BTN2A1: variants seen among roughly 807,000 people sequenced by gnomAD.
BTN2A1 encodes butyrophilin, subfamily 2, member A1.
In BTN2A1, 41 loss-of-function variants were observed where a neutral mutation model predicts 34.5. The ratio of observed to expected loss-of-function variants is 1.19; its 90% CI spans 0.93 to 1.54. BTN2A1 has a LOEUF of 1.54. Among genes scored for constraint, BTN2A1 ranks in the 40% most tolerant of loss-of-function variants. The probability of loss-of-function intolerance (pLI) is 0.00; values close to 1 mark genes in which losing one functional copy is unlikely to be tolerated. For missense variants in BTN2A1, 642 were observed against 662.0 expected (o/e 0.97, Z 0.33); for synonymous variants, 267 against 258.6 (o/e 1.03, Z -0.31).
chr6:26,459,962 G>C, intron 3 of BTN2A1, 134 bp downstream of exon 3: 1 of 868,224 alleles, frequency 1.2e-6, no homozygotes, highest in Non-Finnish European at 1.7e-6. Flanking sequence ...TGTGGAAACG[G>C]AATTCCAGGG....
chr6:26,459,919 A>G (rs976028518), intron 3 of BTN2A1, 91 bp downstream of exon 3: 5 of 636,194 alleles, frequency 7.9e-6, no homozygotes, highest in East Asian at 4.3e-5. Context: ...CAGACCAGCA[A>G]ATTTTTGTCT....
downstream of BTN2A1, among the ~76,000 whole-genome samples, chr6:26,470,380 A>ACCCCC (rs11394562): frequency 1.4e-5 from 2 of 141,816 alleles, no homozygotes; most frequent in African/African-American, 5.3e-5. Context: ...TATGTCAGAG[A>ACCCCC]CCCCCCCCAC....
intron 3 of BTN2A1, 141 bp from the exon 4 acceptor site, chr6:26,463,103 T>C: frequency 9.1e-7 from 1 of 1,098,714 alleles, no homozygotes; most frequent in Non-Finnish European, 1.3e-6. Flanking sequence ...ACCCTCATCC[T>C]TTTTTTCTTC....
At chr6:26,466,159 G>A (rs921245431) in intron 7 of BTN2A1, 71 bp downstream of exon 7, 7 of 1,611,400 alleles carry the variant, frequency 4.3e-6, no homozygotes, top group Middle Eastern at 2.1e-4. Context: ...CTCCTTAGAG[G>A]AGATGAGCAA....
In BTN2A1 at chr6:26,468,470, C is replaced by G. The variant is rs767634032; in HGVS notation, c.1505C>G (p.Ala502Gly). 5 of 1,614,190 alleles carry G rather than the reference C, an allele frequency of 3.1e-6. No individual in the cohort carries two copies. The highest frequency in any genetic ancestry group is 3.4e-6 in the Non-Finnish European group (4 of 1,180,038). The change falls in exon 8 of 8, where the codon GCA (alanine) becomes GGA (glycine). Residue 502 changes from alanine to glycine, a missense_variant. Ala to Gly is a moderately conservative substitution (Grantham distance 60). Transcript: ENST00000312541. ...CEDSPIFICP[A>G]LTGANGVTVP... ...GACAGCCCCATCTTCATCTGCCCTG[C>G]ACTCACAGGAGCCAATGGGGTCACG...
chr6:26,460,934 A>G (rs1763148546), intron 3 of BTN2A1, among the ~76,000 whole-genome samples: 1 of 152,074 alleles, frequency 6.6e-6, no homozygotes, highest in Admixed American at 6.5e-5. Flanking sequence ...AACAAAAAAG[A>G]TATATTTGAG....
At chr6:26,459,016 C>G (rs6912934) in intron 2 of BTN2A1, among the ~76,000 whole-genome samples, 2 of 152,148 alleles carry the variant, frequency 1.3e-5, no homozygotes, top group African/African-American at 4.8e-5. Flanking sequence ...TAATCAAATA[C>G]GAATATTTAA....
At position 26,468,828 on chromosome 6, in the gene BTN2A1, A is replaced by G; in HGVS notation, c.*279A>G. On this transcript the variant is annotated 3_prime_UTR_variant, in exon 8 of 8. Coordinates refer to ENST00000312541, the MANE Select transcript of BTN2A1 (RefSeq NM_007049.5). The stretch of plus-strand genomic sequence containing the variant: ...TCCCAGCCAAGAAGAAAGTGTGAGA[A>G]GTTGATGGGCAGCAAACCTGCTGTT... The G allele has an allele frequency of 1.3e-6, 2 of 1,544,852 alleles. No homozygotes were observed. The highest frequency in any genetic ancestry group is 1.8e-6 in the Non-Finnish European group (2 of 1,140,242).
At chr6:26,470,326 GAA>G (rs1178199770), downstream of BTN2A1, among the ~76,000 whole-genome samples, 4 of 152,128 alleles carry the variant, frequency 2.6e-5, no homozygotes, top group Non-Finnish European at 5.9e-5. Flanking sequence ...CAGCCTGGGT[GAA>G]AGAGTGAAAC....
intron 7 of BTN2A1, chr6:26,467,617 T>G: frequency 7.8e-7 from 1 of 1,282,684 alleles, no homozygotes; most frequent in Non-Finnish European, 1.1e-6. Context: ...TGGCCAGAGA[T>G]CATATGTCTT....
Position 26,468,900 on chromosome 6 carries a change from G to A in BTN2A1, c.*351G>A, listed in dbSNP as rs1307122742. 5 of 1,332,910 alleles carry A rather than the reference G, an allele frequency of 3.8e-6. No individual in the cohort carries two copies. Among genetic ancestry groups the A allele is most frequent in the Non-Finnish European group, 4.9e-6 (5 of 1,021,746 alleles). The allele number at this position is 1,332,910 out of a possible 1,614,324, so 82.6% of individuals were successfully genotyped here. A position where few individuals can be genotyped will look rare whatever the true frequency, so the allele number is the denominator to read the frequency against. ...AAGCCCAGTATTCCAGTTGGCACCA[G>A]AAGATATGGACTTGGAATGAGGCCT... is the stretch of plus-strand genomic sequence containing the variant. On this transcript the variant is annotated 3_prime_UTR_variant, in exon 8 of 8. Coordinates refer to ENST00000312541, the MANE Select transcript of BTN2A1 (RefSeq NM_007049.5).
intron 3 of BTN2A1, 127 bp from the exon 4 acceptor site, chr6:26,463,117 C>A: frequency 8.3e-7 from 1 of 1,203,014 alleles, no homozygotes; most frequent in Non-Finnish European, 1.2e-6. Context: ...TTTCTTCCTT[C>A]CTATTTCTTG....
In BTN2A1 at chr6:26,465,206, C is replaced by T; in HGVS notation, c.734C>T (p.Ser245Phe). ...TCAGAATCCTTTATGCCCAGTGTGT[C>T]TCCCTGTGCAGTGGCCCTGCCTATC... is the stretch of plus-strand genomic sequence containing the variant. ...FIPESFMPSV[S>F]PCAVALPIIV... The change falls in exon 5 of 8, where the codon TCT becomes TTT. Residue 245 changes from serine to phenylalanine, a missense_variant. Transcript: ENST00000312541. 1 of 1,614,076 alleles carries T rather than the reference C, an allele frequency of 6.2e-7. No individual in the cohort carries two copies. The highest frequency in any genetic ancestry group is 1.1e-5 in the South Asian group (1 of 91,070).
In BTN2A1 at chr6:26,459,488, T is replaced by C. The variant is rs1356241146; in HGVS notation, c.90T>C (p.Phe30=). ...LSLCALVSAQ[F]IVVGPTDPIL... ...TACCCCTTTGTTGAACAGCCCAGTTTATTGTCGTGGGGCCCACTGATCCCA... is the reference window on the plus strand; with the variant it reads ...TACCCCTTTGTTGAACAGCCCAGTTCATTGTCGTGGGGCCCACTGATCCCA... Residue 30 remains phenylalanine, a synonymous_variant, in exon 3 of 8, where the codon TTT becomes TTC. Transcript: ENST00000312541. The C allele has an allele frequency of 6.2e-7, 1 of 1,613,722 alleles. No homozygotes were observed. The highest frequency in any genetic ancestry group is 8.5e-7 in the Non-Finnish European group (1 of 1,179,710).
chr6:26,470,142 G>T (rs917738818), downstream of BTN2A1, among the ~76,000 whole-genome samples: 3 of 152,196 alleles, frequency 2.0e-5, 1 homozygote, highest in Non-Finnish European at 4.4e-5. Context: ...GAGGTCAGGA[G>T]TTCAAGACCA....
At chr6:26,474,966 CCGGCCAGGCTGGT>C (rs1763514251) in intron 7 of BTN2A1, among the ~76,000 whole-genome samples, 1 of 152,056 alleles carries the variant, frequency 6.6e-6, no homozygotes, top group Admixed American at 6.6e-5. Flanking sequence ...GCCAGGCTGG[CCGGCCAGGCTGGT>C]ACTGAACTCC....
At position 26,467,293 on chromosome 6, in the gene BTN2A1, A is replaced by C. The variant is rs537115868; in HGVS notation, c.983-655A>C. On this transcript the variant is annotated intron_variant, in intron 7 of 7. Coordinates refer to ENST00000312541, the MANE Select transcript of BTN2A1 (RefSeq NM_007049.5). The stretch of plus-strand genomic sequence containing the variant: ...CTAAGTAAAGAAAATCCCAGAGATC[A>C]TAGGTCTTCATTTGGGGTTTTGTTT... Among the ~76,000 whole-genome samples the C allele has an allele frequency of 3.3e-5, 5 of 152,228 alleles. No homozygotes were observed. The East Asian group carries it at 9.7e-4, about 29-fold the overall frequency.
At position 26,466,000 on chromosome 6, in the gene BTN2A1, T is replaced by C. The variant is rs377208494; in HGVS notation, c.955+27T>C. ...TAAGTTTAGCCTTTCCTTAACTACA[T>C]GTACAATTTGAGTTCTGCTCAGCAA... On this transcript the variant is annotated intron_variant, in intron 6 of 7. Transcript: ENST00000312541. 2.5e-6 allele frequency: 4 copies of C among 1,614,100 alleles called. No homozygotes were observed. In the African/African-American group the frequency reaches 4.0e-5, roughly 16 times the overall value.
intron 2 of BTN2A1, among the ~76,000 whole-genome samples, chr6:26,459,020 T>C (rs1460910672): frequency 6.6e-6 from 1 of 152,236 alleles, no homozygotes. Flanking sequence ...CAAATACGAA[T>C]ATTTAAATAC....
Sources: allele counts gnomAD v4.1 joint callset (sites outside exome capture counted in the v4.1 genomes callset), GRCh38; gene constraint gnomAD v4.1.1; transcripts MANE v1.5; gene names NCBI Gene and HGNC (gene_info 2026-07-23, HGNC 2026-07-21).